Variants in FANCB observed in about 807,000 individuals in gnomAD.
FANCB encodes the protein FA complementation group B, also known as Fanconi anemia group B protein.
FANCB carries 5 observed loss-of-function variants against 38.9 expected under a neutral mutation model. The observed-to-expected ratio is 0.13, with a 90% CI of 0.07 to 0.27. FANCB has a LOEUF of 0.27. FANCB is among the 10% of genes least tolerant of loss of function. FANCB has a pLI of 1.00. For synonymous variants in FANCB, 236 were observed against 215.4 expected, an observed-to-expected ratio of 1.10 and a Z score of -0.84; for missense variants, 573 against 602.7, an observed-to-expected ratio of 0.95 and a Z score of 0.52.
the FANCB span, among the ~76,000 whole-genome samples, chrX:14,789,021 A>G: frequency 8.9e-6 from 1 of 112,237 alleles, no homozygotes; most frequent in Non-Finnish European, 1.9e-5. Flanking sequence ...CAGTATGTAC[A>G]TTTAGAGTCA....
chrX:14,796,042 G>C, the FANCB span, among the ~76,000 whole-genome samples: 3 of 111,798 alleles, frequency 2.7e-5, no homozygotes, highest in Non-Finnish European at 5.6e-5. Context: ...ATTGACAGAA[G>C]ACTAAGGCCA....
intron 5 of FANCB, 54 bp downstream of exon 5, chrX:14,857,808 C>A: frequency 1.2e-6 from 1 of 822,013 alleles, no homozygotes. Flanking sequence ...AATGTTCTTT[C>A]CTTCATTTAG....
At chrX:14,743,180 G>A in the FANCB span, among the ~76,000 whole-genome samples, 1 of 112,292 alleles carries the variant, frequency 8.9e-6, no homozygotes, top group Non-Finnish European at 1.9e-5. Flanking sequence ...AAACAGCACA[G>A]GTTAAGAAAC....
chrX:14,857,061 C>A (rs981949593), intron 5 of FANCB, among the ~76,000 whole-genome samples: 1 of 111,570 alleles, frequency 9.0e-6, no homozygotes, highest in African/African-American at 3.3e-5. Flanking sequence ...ACATGTGCAA[C>A]TTTTAAATGG....
At chrX:14,823,964 T>C in the FANCB span, among the ~76,000 whole-genome samples, 2 of 111,398 alleles carry the variant, frequency 1.8e-5, no homozygotes, top group Non-Finnish European at 3.8e-5. Flanking sequence ...AAATGAGCCA[T>C]AGGGTTTTTT....
At chrX:14,813,972 A>G in the FANCB span, among the ~76,000 whole-genome samples, 5 of 111,963 alleles carry the variant, frequency 4.5e-5, no homozygotes, top group African/African-American at 1.6e-4. Context: ...TGGTACCAAA[A>G]CAGAGATATA....
chrX:14,735,176 A>T, the FANCB span, among the ~76,000 whole-genome samples: 1 of 109,041 alleles, frequency 9.2e-6, no homozygotes, highest in South Asian at 4.0e-4. Context: ...GGGTTAGAAC[A>T]TGCTCCTTTA....
At chrX:14,811,250 T>A in the FANCB span, among the ~76,000 whole-genome samples, 1 of 111,294 alleles carries the variant, frequency 9.0e-6, no homozygotes, top group South Asian at 3.8e-4. Context: ...AGGAAGAAAC[T>A]GCATCAACTA....
downstream of FANCB, among the ~76,000 whole-genome samples, chrX:14,833,197 A>G (rs894346347): frequency 4.4e-5 from 5 of 112,677 alleles, no homozygotes; most frequent in African/African-American, 1.6e-4. Flanking sequence ...ATACTTTTGT[A>G]CAAAATTTCT....
the FANCB span, among the ~76,000 whole-genome samples, chrX:14,701,517 G>A: frequency 1.8e-5 from 2 of 111,285 alleles, no homozygotes; most frequent in Non-Finnish European, 3.8e-5. Flanking sequence ...TCCAAGCTGA[G>A]GGTTTTGCCA....
the FANCB span, among the ~76,000 whole-genome samples, chrX:14,811,608 A>T: frequency 8.9e-6 from 1 of 112,153 alleles, no homozygotes; most frequent in African/African-American, 3.2e-5. Context: ...ATTCAACAAG[A>T]AGAGCTGACT....
chrX:14,720,026 T>C, the FANCB span, among the ~76,000 whole-genome samples: 3 of 111,504 alleles, frequency 2.7e-5, no homozygotes, highest in Non-Finnish European at 3.8e-5. Flanking sequence ...TAGTGGTTAC[T>C]AGAGGAAGAG....
chrX:14,704,662 T>C, the FANCB span, among the ~76,000 whole-genome samples: 3 of 111,932 alleles, frequency 2.7e-5, no homozygotes, highest in East Asian at 8.4e-4. Context: ...GTTTATAAAA[T>C]AAATGACCTT....
the FANCB span, among the ~76,000 whole-genome samples, chrX:14,809,902 C>T: frequency 3.6e-5 from 4 of 112,347 alleles, no homozygotes; most frequent in Non-Finnish European, 7.5e-5. Flanking sequence ...TGACCCCTGA[C>T]CCCCAAGCAG....
At chrX:14,790,859 T>C in the FANCB span, among the ~76,000 whole-genome samples, 9 of 111,464 alleles carry the variant, frequency 8.1e-5, no homozygotes, top group Non-Finnish European at 1.5e-4. Flanking sequence ...AAAGCCAAAA[T>C]TGGGATGGTT....
the FANCB span, among the ~76,000 whole-genome samples, chrX:14,759,642 G>A: frequency 9.0e-6 from 1 of 111,023 alleles, no homozygotes; most frequent in South Asian, 3.7e-4. Flanking sequence ...ACAAAGGAAA[G>A]ATACAGTCTT....
chrX:14,837,889 G>A (rs1022038386), intron 10 of FANCB, among the ~76,000 whole-genome samples: 6 of 111,592 alleles, frequency 5.4e-5, no homozygotes, highest in Admixed American at 9.5e-5. Context: ...TTTCTTTATC[G>A]ATAAACAGAG....
chrX:14,781,382 C>T, the FANCB span, among the ~76,000 whole-genome samples: 1,580 of 108,364 alleles, frequency 0.015, 26 homozygotes, highest in African/African-American at 0.043. Flanking sequence ...TGCAGTGAGC[C>T]GAGATCACAC....
the FANCB span, among the ~76,000 whole-genome samples, chrX:14,749,888 GT>G: frequency 1.8e-5 from 2 of 112,274 alleles, no homozygotes; most frequent in African/African-American, 6.5e-5. Flanking sequence ...TTTGAAAAGT[GT>G]TAAAGGGCTG....
Sources: allele counts gnomAD v4.1 joint callset (sites outside exome capture counted in the v4.1 genomes callset), GRCh38; gene constraint gnomAD v4.1.1; transcripts MANE v1.5; gene names NCBI Gene and HGNC (gene_info 2026-07-23, HGNC 2026-07-21).